Variants in COX7B2 observed in about 807,000 individuals in gnomAD.
The protein encoded by COX7B2 is cytochrome c oxidase subunit 7B2, mitochondrial.
For missense variants in COX7B2, 109 were observed against 95.9 expected, an observed-to-expected ratio of 1.14 and a Z score of -0.57; for synonymous variants, 37 against 32.1, an observed-to-expected ratio of 1.15 and a Z score of -0.51.
chr4:46,823,640 T>G (rs567655274), intron 2 of COX7B2, among the ~76,000 whole-genome samples: 2 of 151,682 alleles, frequency 1.3e-5, no homozygotes, highest in South Asian at 4.2e-4. Flanking sequence ...TATCATTAAT[T>G]GCTTACATTA....
At chr4:46,753,660 C>T (rs1715554456) in intron 2 of COX7B2, among the ~76,000 whole-genome samples, 1 of 151,960 alleles carries the variant, frequency 6.6e-6, no homozygotes. Flanking sequence ...TGGGCAAGGA[C>T]TTCATGTCTA....
intron 2 of COX7B2, among the ~76,000 whole-genome samples, chr4:46,771,082 C>G (rs1040147747): frequency 2.0e-5 from 3 of 152,008 alleles, no homozygotes; most frequent in Non-Finnish European, 2.9e-5. Context: ...GTGCTAATAT[C>G]CAAAATATAT....
At chr4:46,842,985 C>T (rs949237380) in intron 2 of COX7B2, among the ~76,000 whole-genome samples, 3 of 152,050 alleles carry the variant, frequency 2.0e-5, no homozygotes, top group Non-Finnish European at 2.9e-5. Context: ...ACACTGATTT[C>T]CACAATGGTT....
In COX7B2 at chr4:46,793,180, C is replaced by T. The variant is rs188178790; in HGVS notation, c.-50+51780G>A. Among the ~76,000 whole-genome samples the T allele has an allele frequency of 1.4e-3, 215 of 151,944 alleles. 1 individual carries two copies. The highest frequency in any genetic ancestry group is 0.01 in the Middle Eastern group (3 of 294). ...CAGAAGTTTGGAATGTTCCTGTTTA[C>T]GGGAGAAGTTTTATGGTGGGGTTGG... On this transcript the variant is annotated intron_variant, in intron 2 of 2. Transcript: ENST00000355591.
intron 2 of COX7B2, among the ~76,000 whole-genome samples, chr4:46,791,630 G>C (rs1718052697): frequency 6.6e-6 from 1 of 152,144 alleles, no homozygotes; most frequent in African/African-American, 2.4e-5. Flanking sequence ...CAACTAAACG[G>C]CTGGCACCTA....
At chr4:46,810,801 T>C (rs1403224337) in intron 2 of COX7B2, among the ~76,000 whole-genome samples, 1 of 152,152 alleles carries the variant, frequency 6.6e-6, no homozygotes, top group Non-Finnish European at 1.5e-5. Flanking sequence ...CTTGAAGAAC[T>C]TCCTTAAGCA....
intron 1 of COX7B2, among the ~76,000 whole-genome samples, chr4:46,902,035 C>T (rs561215175): frequency 1.1e-3 from 168 of 152,284 alleles, no homozygotes; most frequent in African/African-American, 3.8e-3. Flanking sequence ...CTTCTTATTC[C>T]TATATCTATC....
chr4:46,751,960 A>G (rs58876957), intron 2 of COX7B2, among the ~76,000 whole-genome samples: 1 of 151,916 alleles, frequency 6.6e-6, no homozygotes, highest in Non-Finnish European at 1.5e-5. Context: ...TGAAAAAAGT[A>G]ATTCGTAGCT....
At chr4:46,869,739 C>G (rs1332927053) in intron 1 of COX7B2, among the ~76,000 whole-genome samples, 1 of 152,066 alleles carries the variant, frequency 6.6e-6, no homozygotes, top group Admixed American at 6.6e-5. Flanking sequence ...GCTGAGAGGT[C>G]TGCTGTTAGC....
chr4:46,857,997 C>T (rs1009681898), intron 1 of COX7B2, among the ~76,000 whole-genome samples: 10 of 152,100 alleles, frequency 6.6e-5, no homozygotes, highest in African/African-American at 1.9e-4. Context: ...TTTAACTACT[C>T]GAAGCTGGTG....
chr4:46,855,471 TAAAG>T (rs559173823), intron 1 of COX7B2, among the ~76,000 whole-genome samples: 99 of 152,020 alleles, frequency 6.5e-4, no homozygotes, highest in Non-Finnish European at 1.2e-3. Context: ...TGATTTAAAA[TAAAG>T]AGAGAAAAGT....
chr4:46,815,548 G>A (rs12505590), intron 2 of COX7B2, among the ~76,000 whole-genome samples: 10 of 151,890 alleles, frequency 6.6e-5, no homozygotes, highest in Admixed American at 6.6e-4. Context: ...GAAATTACAG[G>A]TTAACTGTAA....
At chr4:46,905,719 C>T (rs1305529026) in intron 1 of COX7B2, among the ~76,000 whole-genome samples, 1 of 151,788 alleles carries the variant, frequency 6.6e-6, no homozygotes, top group African/African-American at 2.4e-5. Flanking sequence ...ATTTTCATTC[C>T]CTCTCTGAGC....
At chr4:46,747,648 A>C (rs1039893379) in intron 2 of COX7B2, among the ~76,000 whole-genome samples, 2 of 152,114 alleles carry the variant, frequency 1.3e-5, no homozygotes, top group African/African-American at 2.4e-5. Flanking sequence ...TCAAGGATAA[A>C]ATATAGTTTT....
chr4:46,810,082 T>C (rs956991145), intron 2 of COX7B2, among the ~76,000 whole-genome samples: 3 of 152,010 alleles, frequency 2.0e-5, no homozygotes, highest in Non-Finnish European at 4.4e-5. Flanking sequence ...ACAATTTGCA[T>C]CTAATATCTT....
At chr4:46,827,336 A>G (rs895909062) in intron 2 of COX7B2, among the ~76,000 whole-genome samples, 3 of 152,140 alleles carry the variant, frequency 2.0e-5, no homozygotes, top group Non-Finnish European at 2.9e-5. Flanking sequence ...TATGAAAGCT[A>G]CAGATAGAGA....
At chr4:46,837,704 T>C (rs1715612564) in intron 2 of COX7B2, among the ~76,000 whole-genome samples, 1 of 152,130 alleles carries the variant, frequency 6.6e-6, no homozygotes, top group Middle Eastern at 3.4e-3. Flanking sequence ...AAAATAAAAA[T>C]AAGGATAAGA....
intron 2 of COX7B2, among the ~76,000 whole-genome samples, chr4:46,828,116 A>G (rs2109715722): frequency 6.6e-6 from 1 of 152,316 alleles, no homozygotes; most frequent in South Asian, 2.1e-4. Flanking sequence ...TTGATTTAGG[A>G]AAACATAATG....
At chr4:46,737,696 T>C (rs1262794205) in intron 2 of COX7B2, among the ~76,000 whole-genome samples, 1 of 152,152 alleles carries the variant, frequency 6.6e-6, no homozygotes, top group African/African-American at 2.4e-5. Flanking sequence ...TAAATTTATC[T>C]TCCTGTGTGC....
Sources: allele counts gnomAD v4.1 joint callset (sites outside exome capture counted in the v4.1 genomes callset), GRCh38; gene constraint gnomAD v4.1.1; transcripts MANE v1.5; gene names NCBI Gene and HGNC (gene_info 2026-07-23, HGNC 2026-07-21).